Variants in ROBO2 observed in about 807,000 individuals in gnomAD.
The protein encoded by ROBO2 is roundabout homolog 2.
A neutral mutation model predicts 160.8 loss-of-function variants in ROBO2; 53 were observed. That is an observed-to-expected ratio of 0.33 (90% CI 0.26 to 0.41). The LOEUF (loss-of-function observed/expected upper bound fraction) is 0.41. Ranked by LOEUF, ROBO2 falls within the 10% of genes least tolerant of loss-of-function variation. ROBO2 has a pLI of 1.00. For synonymous variants in ROBO2, 664 were observed against 611.7 expected (o/e 1.09, Z -1.26); for missense variants, 1,577 against 1,722.4 (o/e 0.92, Z 1.49).
At chr3:76,244,169 A>T (rs982569574) in intron 2 of ROBO2, among the ~76,000 whole-genome samples, 1 of 152,222 alleles carries the variant, frequency 6.6e-6, no homozygotes, top group African/African-American at 2.4e-5. Context: ...GAGAGATTCA[A>T]TGTACACAGC....
chr3:76,196,114 G>C (rs1249015781), intron 2 of ROBO2, among the ~76,000 whole-genome samples: 2 of 152,048 alleles, frequency 1.3e-5, no homozygotes, highest in Non-Finnish European at 2.9e-5. Context: ...GTCCCCACAG[G>C]TTACTTCCCT....
chr3:76,278,527 T>C (rs573321488), intron 2 of ROBO2, among the ~76,000 whole-genome samples: 1 of 152,140 alleles, frequency 6.6e-6, no homozygotes, highest in East Asian at 1.9e-4. Context: ...ATCAAGTTGG[T>C]TGACAAAGGA....
intron 2 of ROBO2, among the ~76,000 whole-genome samples, chr3:76,322,164 G>GTATATATATATATATATATA (rs200388202): frequency 1.8e-5 from 2 of 108,156 alleles, no homozygotes; most frequent in Non-Finnish European, 3.5e-5. Flanking sequence ...TACTTCTTCC[G>GTATATATATATATATATATA]TATATATATA....
intron 2 of ROBO2, among the ~76,000 whole-genome samples, chr3:77,256,422 G>A (rs1362108957): frequency 6.6e-6 from 1 of 151,918 alleles, no homozygotes; most frequent in Non-Finnish European, 1.5e-5. Context: ...TCCCTTTTAT[G>A]CACAATGAAG....
At chr3:76,300,242 A>G (rs1365802714) in intron 2 of ROBO2, among the ~76,000 whole-genome samples, 3 of 151,902 alleles carry the variant, frequency 2.0e-5, no homozygotes, top group East Asian at 3.9e-4. Flanking sequence ...TTCAACTTCA[A>G]TGGCAAGCTG....
intron 1 of ROBO2, among the ~76,000 whole-genome samples, chr3:75,931,994 T>C (rs1420082770): frequency 6.6e-6 from 1 of 152,106 alleles, no homozygotes; most frequent in African/African-American, 2.4e-5. Flanking sequence ...ATTCACTTCA[T>C]GTAGTTTCCG....
chr3:77,448,452 G>A lies in ROBO2; in HGVS notation c.389-28962G>A, dbSNP rs144073023. On this transcript the variant is annotated intron_variant, in intron 2 of 25. Coordinates refer to ENST00000461745, the Ensembl canonical transcript of ROBO2. The stretch of plus-strand genomic sequence containing the variant: ...GGTAAGATCAAGAGAAGAACCATTC[G>A]GCAAAGTCGGCCCTAATCTCTGACA... Among the ~76,000 whole-genome samples, 238 of 152,190 alleles carry A rather than the reference G, an allele frequency of 1.6e-3. 3 individuals carry two copies. The highest frequency in any genetic ancestry group is 7.9e-3 in the South Asian group (38 of 4,828).
chr3:76,151,538 A>G (rs1516467), intron 2 of ROBO2, among the ~76,000 whole-genome samples: 3,424 of 152,264 alleles, frequency 0.022, 232 homozygotes, highest in East Asian at 0.22. Flanking sequence ...GCTCCTAAAC[A>G]TATCAATTTC....
At chr3:76,149,338 G>A (rs998752435) in intron 2 of ROBO2, among the ~76,000 whole-genome samples, 1 of 152,036 alleles carries the variant, frequency 6.6e-6, no homozygotes, top group African/African-American at 2.4e-5. Flanking sequence ...AGACCGGTTA[G>A]CTTTGCAAGT....
chr3:76,407,960 C>A (rs1013157513), intron 2 of ROBO2, among the ~76,000 whole-genome samples: 3 of 151,828 alleles, frequency 2.0e-5, no homozygotes, highest in African/African-American at 7.3e-5. Flanking sequence ...TGTTTTTAAG[C>A]TTATCAGCCA....
At chr3:75,912,162 CTGTA>C (rs1400731402) in intron 1 of ROBO2, among the ~76,000 whole-genome samples, 1 of 152,100 alleles carries the variant, frequency 6.6e-6, no homozygotes, top group Admixed American at 6.5e-5. Context: ...ATAACTTTTG[CTGTA>C]CTCAAGCATG....
At chr3:75,916,824 A>ATGAAG (rs147231927) in intron 1 of ROBO2, among the ~76,000 whole-genome samples, 7 of 36 alleles carry the variant, frequency 0.19, no homozygotes, top group African/African-American at 0.32. Context: ...TTCTTAGCTG[A>ATGAAG]TGAATATAAA....
intron 2 of ROBO2, among the ~76,000 whole-genome samples, chr3:75,943,867 A>C (rs557925540): frequency 1.3e-5 from 2 of 151,754 alleles, no homozygotes; most frequent in South Asian, 4.2e-4. Flanking sequence ...CACCTGGCTA[A>C]TTTTTGGATT....
At chr3:76,604,498 G>C (rs960675872) in intron 2 of ROBO2, among the ~76,000 whole-genome samples, 2 of 151,936 alleles carry the variant, frequency 1.3e-5, no homozygotes, top group African/African-American at 2.4e-5. Context: ...TTCTCACCTA[G>C]AGTAAAAAAA....
intron 2 of ROBO2, among the ~76,000 whole-genome samples, chr3:76,158,436 A>G (rs1420382019): frequency 7.0e-6 from 1 of 142,120 alleles, no homozygotes; most frequent in Non-Finnish European, 1.6e-5. Flanking sequence ...ATATTTAATG[A>G]TACTATACCC....
chr3:76,404,794 T>C (rs2078036356), intron 2 of ROBO2, among the ~76,000 whole-genome samples: 1 of 151,520 alleles, frequency 6.6e-6, no homozygotes, highest in African/African-American at 2.4e-5. Context: ...AGCTTTCTAA[T>C]ATAGAAAACG....
chr3:76,346,618 A>G (rs2074547962), intron 2 of ROBO2, among the ~76,000 whole-genome samples: 1 of 152,142 alleles, frequency 6.6e-6, no homozygotes, highest in African/African-American at 2.4e-5. Flanking sequence ...GTCCAGAGCC[A>G]CTAGATGACT....
chr3:77,622,121 A>T, intron 22 of ROBO2, 106 bp from the exon 24 acceptor site: 1 of 974,966 alleles, frequency 1.0e-6, no homozygotes, highest in Admixed American at 2.4e-5. Flanking sequence ...GTTAATGGAA[A>T]GGAAGAAGAC....
At chr3:76,392,720 T>C (rs779311825) in intron 2 of ROBO2, among the ~76,000 whole-genome samples, 1 of 152,216 alleles carries the variant, frequency 6.6e-6, no homozygotes, top group Non-Finnish European at 1.5e-5. Flanking sequence ...AAGATAGATA[T>C]GTTAGAAATA....
Sources: allele counts gnomAD v4.1 joint callset (sites outside exome capture counted in the v4.1 genomes callset), GRCh38; gene constraint gnomAD v4.1.1; transcripts MANE v1.5; gene names NCBI Gene and HGNC (gene_info 2026-07-23, HGNC 2026-07-21).